Variants in GABRB1 observed in about 807,000 individuals in gnomAD.
GABRB1 encodes the protein gamma-aminobutyric acid type A receptor subunit beta1, also known as gamma-aminobutyric acid receptor subunit beta-1.
Under a neutral mutation model 51.6 loss-of-function variants are expected in GABRB1, and 17 were observed. The ratio of observed to expected loss-of-function variants is 0.33; its 90% CI spans 0.23 to 0.49. The LOEUF (loss-of-function observed/expected upper bound fraction) is 0.49. Among genes scored for constraint, GABRB1 ranks in the 20% least tolerant of loss-of-function variants. The pLI is 0.99. For missense variants in GABRB1, 410 were observed against 600.6 expected, an observed-to-expected ratio of 0.68 and a Z score of 3.32; for synonymous variants, 247 against 218.9, an observed-to-expected ratio of 1.13 and a Z score of -1.14.
At position 47,364,309 on chromosome 4, in the gene GABRB1, T is replaced by C. The variant is rs75999134; in HGVS notation, c.545-39009T>C. Among the ~76,000 whole-genome samples, 52 of 152,276 alleles carry C rather than the reference T, an allele frequency of 3.4e-4. No individual in the cohort carries two copies. In the East Asian group the frequency reaches 9.5e-3, roughly 28 times the overall value. On this transcript the variant is annotated intron_variant, in intron 5 of 8. Coordinates refer to ENST00000295454, the MANE Select transcript of GABRB1 (RefSeq NM_000812.4). ...AACTGTCCAATTTACTTTATGAGTA[T>C]TCTTCATGTTGCCAAGCTTCTTGCC...
intron 5 of GABRB1, among the ~76,000 whole-genome samples, chr4:47,341,340 ATGCTCTC>A (rs879908997): frequency 2.6e-5 from 4 of 151,958 alleles, no homozygotes; most frequent in Non-Finnish European, 5.9e-5. Flanking sequence ...ACCAGTGGCC[ATGCTCTC>A]TGGAAATTAA....
chr4:47,267,141 G>A (rs1722668874), intron 4 of GABRB1, among the ~76,000 whole-genome samples: 1 of 152,052 alleles, frequency 6.6e-6, no homozygotes, highest in Admixed American at 6.6e-5. Context: ...TTCTCCTTAA[G>A]AGACAGAGGG....
At chr4:47,302,574 A>G (rs1441725657) in intron 4 of GABRB1, among the ~76,000 whole-genome samples, 1 of 152,018 alleles carries the variant, frequency 6.6e-6, no homozygotes, top group Non-Finnish European at 1.5e-5. Context: ...ATGATGCATA[A>G]GGAATATTCA....
chr4:47,025,521 T>C (rs1725064090), intron 1 of GABRB1, among the ~76,000 whole-genome samples: 1 of 151,974 alleles, frequency 6.6e-6, no homozygotes, highest in South Asian at 2.1e-4. Context: ...CCACAGAAAG[T>C]AATTAGATTA....
intron 4 of GABRB1, among the ~76,000 whole-genome samples, chr4:47,252,918 C>G (rs993991486): frequency 1.3e-5 from 2 of 152,134 alleles, no homozygotes; most frequent in Non-Finnish European, 2.9e-5. Flanking sequence ...AACACAAAAT[C>G]TATGTGATAA....
intron 3 of GABRB1, among the ~76,000 whole-genome samples, chr4:47,091,926 C>T (rs1560530062): frequency 6.6e-6 from 1 of 152,002 alleles, no homozygotes; most frequent in African/African-American, 2.4e-5. Flanking sequence ...TTCCTTTCTC[C>T]TTTTTCCTGG....
intron 3 of GABRB1, among the ~76,000 whole-genome samples, chr4:47,066,458 T>C (rs1727087343): frequency 6.6e-6 from 1 of 152,216 alleles, no homozygotes; most frequent in African/African-American, 2.4e-5. Context: ...TAGTAGAACT[T>C]CTTTCAAAAT....
intron 4 of GABRB1, among the ~76,000 whole-genome samples, chr4:47,304,171 G>A (rs944529533): frequency 3.3e-5 from 5 of 151,958 alleles, no homozygotes; most frequent in African/African-American, 1.2e-4. Flanking sequence ...TAGACGGATT[G>A]CAGGATCATA....
chr4:47,261,939 G>A (rs1269474725), intron 4 of GABRB1, among the ~76,000 whole-genome samples: 4 of 151,822 alleles, frequency 2.6e-5, no homozygotes, highest in Non-Finnish European at 5.9e-5. Flanking sequence ...ACAAGCAATG[G>A]GGAAAGGATT....
chr4:47,025,191 G>A (rs1055540844), intron 1 of GABRB1, among the ~76,000 whole-genome samples: 3 of 151,126 alleles, frequency 2.0e-5, no homozygotes, highest in Admixed American at 6.6e-5. Flanking sequence ...ATTGCAAATT[G>A]TGCTTCTATA....
rs1044651472 is a variant in GABRB1 at position 47,101,364 on chromosome 4, G to A, written c.241-59885G>A. Among the ~76,000 whole-genome samples the A allele has an allele frequency of 2.0e-5, 3 of 151,832 alleles. No homozygotes were observed. The Admixed American group carries it at 2.0e-4, about 10-fold the overall frequency. On this transcript the variant is annotated intron_variant, in intron 3 of 8. Coordinates refer to ENST00000295454, the MANE Select transcript of GABRB1 (RefSeq NM_000812.4). ...GAACAAAAATGCAGACCAAATGCCA[G>A]TTTTGTCTTGTAATTGATTTTAAAT...
chr4:47,254,562 C>G (rs1014880778), intron 4 of GABRB1, among the ~76,000 whole-genome samples: 1 of 151,250 alleles, frequency 6.6e-6, no homozygotes, highest in East Asian at 1.9e-4. Flanking sequence ...TTAGTAGAGA[C>G]GGGGTTTCAC....
intron 5 of GABRB1, among the ~76,000 whole-genome samples, chr4:47,326,615 G>A (rs902265863): frequency 3.3e-5 from 5 of 152,158 alleles, no homozygotes; most frequent in Non-Finnish European, 7.4e-5. Flanking sequence ...CTGAACGTAA[G>A]GAAAAACTAC....
chr4:47,014,220 C>A (rs1183348430), intron 1 of GABRB1, among the ~76,000 whole-genome samples: 1 of 152,116 alleles, frequency 6.6e-6, no homozygotes, highest in Non-Finnish European at 1.5e-5. Context: ...ATGTCCTATT[C>A]TGCACTTTTA....
At chr4:47,077,957 T>TTATATATATAATATATATTATATATA (rs1560523671) in intron 3 of GABRB1, among the ~76,000 whole-genome samples, 34 of 121,616 alleles carry the variant, frequency 2.8e-4, no homozygotes, top group Non-Finnish European at 5.0e-4. Context: ...TATTATATAT[T>TTATATATATAATATATATTATATATA]TTATATATAT....
chr4:47,405,090 A>G lies in GABRB1; in HGVS notation c.835+1379A>G, dbSNP rs147377009. Among the ~76,000 whole-genome samples the G allele has an allele frequency of 9.8e-5, 15 of 152,358 alleles. No individual in the cohort carries two copies. In the East Asian group the frequency reaches 1.5e-3, roughly 16 times the overall value. On this transcript the variant is annotated intron_variant, in intron 7 of 8. Transcript: ENST00000295454. Reference sequence around the variant, plus strand: ...AAGCAGAAATGCAATTGGTGAATTTATAAGTGACTCATTCATTTCTGTGAA... The same window carrying G: ...AAGCAGAAATGCAATTGGTGAATTTGTAAGTGACTCATTCATTTCTGTGAA...
chr4:47,337,673 G>T (rs922397572), intron 5 of GABRB1, among the ~76,000 whole-genome samples: 1 of 151,790 alleles, frequency 6.6e-6, no homozygotes, highest in Non-Finnish European at 1.5e-5. Flanking sequence ...AGCTAGGTTT[G>T]GTGGCACACA....
At chr4:46,993,683 C>A (rs543937034), upstream of GABRB1, 13 of 395,974 alleles carry the variant, frequency 3.3e-5, no homozygotes, top group Non-Finnish European at 5.6e-5. Context: ...GCTCCACACC[C>A]TTTCGTGCCC....
Position 47,332,598 on chromosome 4 carries a change from C to T in GABRB1, c.544+12389C>T, listed in dbSNP as rs73133973. On this transcript the variant is annotated intron_variant, in intron 5 of 8. Coordinates refer to ENST00000295454, the MANE Select transcript of GABRB1 (RefSeq NM_000812.4). ...TTTTAAAAACTATTGATACTATGCCCCACCCCAGGCCAATAGCATCAGAAT... is the reference window on the plus strand; with the variant it reads ...TTTTAAAAACTATTGATACTATGCCTCACCCCAGGCCAATAGCATCAGAAT... Among the ~76,000 whole-genome samples the T allele has an allele frequency of 7.5e-3, 1,140 of 152,188 alleles. 18 individuals are homozygous for T. Among genetic ancestry groups the T allele is most frequent in the African/African-American group, 0.026 (1,077 of 41,530 alleles).
Sources: gnomAD v4.1 joint callset for allele counts (sites outside exome capture counted in the v4.1 genomes callset) on GRCh38, gnomAD v4.1.1 for gene constraint, MANE v1.5 for transcripts, NCBI Gene and HGNC (gene_info 2026-07-23, HGNC 2026-07-21) for gene names.